TACC2: variants seen among roughly 807,000 people sequenced by gnomAD.
The protein encoded by TACC2 is transforming acidic coiled-coil-containing protein 2.
A neutral mutation model predicts 227.3 loss-of-function variants in TACC2; 137 were observed. That is an observed-to-expected ratio of 0.60 (90% CI 0.52 to 0.69). The LOEUF (loss-of-function observed/expected upper bound fraction) is 0.69, where lower values mean the gene tolerates loss of function less well. Ranked by LOEUF, TACC2 falls within the 30% of genes least tolerant of loss-of-function variation. TACC2 has a pLI of 0.00. For synonymous variants in TACC2, 1,523 were observed against 1,487.5 expected, an observed-to-expected ratio of 1.02 and a Z score of -0.55; for missense variants, 3,470 against 3,694.4, an observed-to-expected ratio of 0.94 and a Z score of 1.57.
At chr10:122,047,843 C>T (rs1259555882) in intron 2 of TACC2, among the ~76,000 whole-genome samples, 1 of 152,226 alleles carries the variant, frequency 6.6e-6, no homozygotes, top group Non-Finnish European at 1.5e-5. Flanking sequence ...CTTTCCCCCA[C>T]ATTCTATCCT....
At chr10:122,017,811 A>G (rs1448944922) in intron 1 of TACC2, among the ~76,000 whole-genome samples, 1 of 111,914 alleles carries the variant, frequency 8.9e-6, no homozygotes, top group Non-Finnish European at 1.7e-5. Flanking sequence ...ACAGAGTGAA[A>G]CTGTCTCAAA....
intron 2 of TACC2, among the ~76,000 whole-genome samples, chr10:122,037,229 G>C (rs576209183): frequency 6.6e-6 from 1 of 152,364 alleles, no homozygotes; most frequent in Non-Finnish European, 1.5e-5. Flanking sequence ...GAGAAAAGTG[G>C]GTGAGGCAAA....
At position 122,211,326 on chromosome 10, in the gene TACC2, A is replaced by C; in HGVS notation, c.6901A>C (p.Arg2301=). ...GCCAGTTGCCAAAATGCCCCTGAGG[A>C]GGCCAAAGATGAAAAAGACACCCGA... The part of the protein sequence containing the change: ...KKPVAKMPLR[R]PKMKKTPEKL... Residue 2301 remains arginine, a synonymous_variant, in exon 9 of 23, where the codon AGG becomes CGG. Coordinates refer to ENST00000369005, the MANE Select transcript of TACC2 (RefSeq NM_206862.4). The C allele has an allele frequency of 6.2e-7, 1 of 1,613,912 alleles. No homozygotes were observed. The highest frequency in any genetic ancestry group is 8.5e-7 in the Non-Finnish European group (1 of 1,179,948).
intron 5 of TACC2, among the ~76,000 whole-genome samples, chr10:122,109,338 G>T (rs1432580316): frequency 6.6e-6 from 1 of 152,138 alleles, no homozygotes. Flanking sequence ...TTGCAGGAAT[G>T]AGGTGGTTTT....
intron 16 of TACC2, 138 bp downstream of exon 16, chr10:122,230,578 C>T (rs534729163): frequency 6.8e-6 from 5 of 738,024 alleles, no homozygotes; most frequent in South Asian, 1.6e-5. Context: ...AAGCTGAAAG[C>T]GTCACTCTTG....
intron 7 of TACC2, among the ~76,000 whole-genome samples, chr10:122,185,027 T>A (rs1392868471): frequency 1.4e-5 from 2 of 145,790 alleles, no homozygotes; most frequent in Admixed American, 6.8e-5. Flanking sequence ...TATTCTTTTT[T>A]TTTTTTTTTT....
intron 5 of TACC2, among the ~76,000 whole-genome samples, chr10:122,109,664 C>T (rs1374126241): frequency 1.3e-5 from 2 of 152,194 alleles, no homozygotes; most frequent in African/African-American, 2.4e-5. Context: ...TTAACTGATG[C>T]AGTGATGCTA....
At position 122,220,993 on chromosome 10, in the gene TACC2, C is replaced by T. The variant is rs146710017; in HGVS notation, c.7547-3733C>T. Among the ~76,000 whole-genome samples the T allele has an allele frequency of 1.8e-3, 271 of 152,300 alleles. 3 individuals carry two copies. Among genetic ancestry groups the T allele is most frequent in the Middle Eastern group, 6.8e-3 (2 of 294 alleles). ...GAGCATGGAACAGGCTTGCTGCCTG[C>T]GTCTGTAGAATGAGGCTGTTGACCT... On this transcript the variant is annotated intron_variant, in intron 11 of 22. Transcript: ENST00000369005.
intron 2 of TACC2, among the ~76,000 whole-genome samples, chr10:122,043,791 C>G (rs926424045): frequency 2.0e-5 from 3 of 152,110 alleles, no homozygotes; most frequent in East Asian, 1.9e-4. Context: ...TGTTGGCCAG[C>G]CTGGGTTCGA....
chr10:122,164,303 A>C (rs1179416370), intron 7 of TACC2, among the ~76,000 whole-genome samples: 1 of 152,212 alleles, frequency 6.6e-6, no homozygotes, highest in African/African-American at 2.4e-5. Flanking sequence ...TATTTCCTGC[A>C]AGGGAACAGC....
intron 3 of TACC2, among the ~76,000 whole-genome samples, chr10:122,080,237 TG>T (rs1565229346): frequency 3.5e-5 from 3 of 84,828 alleles, no homozygotes; most frequent in Admixed American, 1.2e-4. Flanking sequence ...TTTTTTTTTG[TG>T]TTTTTTTGTT....
chr10:122,082,561 T>TG, intron 3 of TACC2, 86 bp from the exon 4 acceptor site: 2 of 1,456,498 alleles, frequency 1.4e-6, no homozygotes, highest in Admixed American at 4.3e-5. Flanking sequence ...TGCCCTTTTG[T>TG]GGGGGTGGGT....
At chr10:122,220,765 G>A (rs766131290) in intron 11 of TACC2, among the ~76,000 whole-genome samples, 1 of 152,212 alleles carries the variant, frequency 6.6e-6, no homozygotes, top group Middle Eastern at 3.2e-3. Flanking sequence ...CTGTCATTGG[G>A]TGAGGACTTA....
rs534276370 is a variant in TACC2, at chr10:122,194,769, C to T, written c.5835-271C>T. Among the ~76,000 whole-genome samples, 9 of 152,270 alleles carry T rather than the reference C, an allele frequency of 5.9e-5. No homozygotes were observed. The South Asian group carries it at 8.3e-4, about 14-fold the overall frequency. Reference sequence around the variant, plus strand: ...CGCGTGCGGAAGTTCATCCAGAGTCCGCTGTGTGTGTATTTGCCACTAAGG... The same window carrying T: ...CGCGTGCGGAAGTTCATCCAGAGTCTGCTGTGTGTGTATTTGCCACTAAGG... On this transcript the variant is annotated intron_variant, in intron 7 of 22. Coordinates refer to ENST00000369005, the MANE Select transcript of TACC2 (RefSeq NM_206862.4). This position sits in a 1 kb window ranked among gnomAD's most constrained non-coding sequence, Gnocchi z 4.4.
At chr10:122,159,212 G>A (rs2092676103) in intron 7 of TACC2, among the ~76,000 whole-genome samples, 1 of 152,232 alleles carries the variant, frequency 6.6e-6, no homozygotes, top group Non-Finnish European at 1.5e-5. Context: ...GTGCTCCAAT[G>A]CTGGATCAAA....
intron 5 of TACC2, among the ~76,000 whole-genome samples, chr10:122,096,321 G>GT (rs2081387326): frequency 6.6e-6 from 1 of 152,156 alleles, no homozygotes; most frequent in Admixed American, 6.5e-5. Flanking sequence ...GCCCTGGATG[G>GT]CCCCATGAAC....
intron 1 of TACC2, among the ~76,000 whole-genome samples, chr10:121,990,335 C>A (rs1364141970): frequency 6.6e-6 from 1 of 151,904 alleles, no homozygotes; most frequent in Non-Finnish European, 1.5e-5. Flanking sequence ...CCAGGCTGGT[C>A]TCAAACCCCT....
chr10:122,063,260 T>C lies in TACC2; in HGVS notation c.146+12710T>C, dbSNP rs1591598113. On this transcript the variant is annotated intron_variant, in intron 3 of 22. Coordinates refer to ENST00000369005, the MANE Select transcript of TACC2 (RefSeq NM_206862.4). The stretch of plus-strand genomic sequence containing the variant: ...AGAGCCCTGTATTTCCCAGGCGGCC[T>C]GCTCTGTTCCTTCCAAACTTGGGAG... Among the ~76,000 whole-genome samples the C allele has an allele frequency of 2.0e-5, 3 of 152,386 alleles. No individual in the cohort carries two copies. In the South Asian group the frequency reaches 6.2e-4, roughly 32 times the overall value.
At position 122,084,330 on chromosome 10, in the gene TACC2, A is replaced by T. The variant is rs1372152237; in HGVS notation, c.1830A>T (p.Val610=). 6 of 1,613,780 alleles carry T rather than the reference A, an allele frequency of 3.7e-6. No individual in the cohort carries two copies. The African/African-American group carries it at 8.0e-5, about 22-fold the overall frequency. The change falls in exon 4 of 23, where the codon GTA becomes GTT. Residue 610 remains valine (V), a synonymous_variant. Transcript: ENST00000369005. ...TCAGCAGCAAGCGTGATCCAGAAGT[A>T]GGCAAAGATGAGCTTTCAAAGCCAA... The part of the protein sequence containing the change: ...QAFSSKRDPE[V]GKDELSKPSS...
Sources: allele counts gnomAD v4.1 joint callset (sites outside exome capture counted in the v4.1 genomes callset), GRCh38; gene constraint gnomAD v4.1.1; non-coding constraint Gnocchi (gnomAD v3.1); transcripts MANE v1.5; gene names NCBI Gene and HGNC (gene_info 2026-07-23, HGNC 2026-07-21).